Variants in SNURF observed in about 807,000 individuals in gnomAD.
The protein encoded by SNURF is SNURF protein.
In SNURF, 6 loss-of-function variants were observed where a neutral mutation model predicts 11.6. The ratio of observed to expected loss-of-function variants is 0.52; its 90% CI spans 0.28 to 1.02. The LOEUF is 1.02. Ranked by LOEUF, SNURF falls within the 50% of genes least tolerant of loss-of-function variation. The probability of loss-of-function intolerance (pLI) is 0.09; values close to 1 mark genes in which losing one functional copy is unlikely to be tolerated. For missense variants in SNURF, 84 were observed against 88.4 expected, an observed-to-expected ratio of 0.95 and a Z score of 0.20; for synonymous variants, 29 against 31.6, an observed-to-expected ratio of 0.92 and a Z score of 0.27.
At chr15:24,956,357 G>GGGT (rs528578846) in intron 1 of SNURF, among the ~76,000 whole-genome samples, 2 of 151,704 alleles carry the variant, frequency 1.3e-5, no homozygotes, top group African/African-American at 4.8e-5. Context: ...GCTTCAGCGG[G>GGGT]GGGGTGGCCG....
intron 3 of SNURF, chr15:24,974,298 C>T (rs2076814714): frequency 1.4e-6 from 1 of 690,490 alleles, no homozygotes; most frequent in African/African-American, 1.8e-5. Flanking sequence ...CTTTAACATG[C>T]TTTCCTCTGC....
At chr15:24,969,583 A>G (rs1287982537), downstream of SNURF, among the ~76,000 whole-genome samples, 1 of 151,988 alleles carries the variant, frequency 6.6e-6, no homozygotes, top group Non-Finnish European at 1.5e-5. Flanking sequence ...TTTTCATTGA[A>G]TAGGTGTGCA....
chr15:24,955,065 C>T lies in SNURF; in HGVS notation c.14+3C>T, dbSNP rs765966912. 4.3e-6 allele frequency: 7 copies of T among 1,613,494 alleles called. No homozygotes were observed. The South Asian group carries it at 6.6e-5, about 15-fold the overall frequency. ...AGTGACGCGATGGAGCGGGCAAGGTCAGCTGTGCCGGTGGCTTCTCTCAAG... is the reference window on the plus strand; with the variant it reads ...AGTGACGCGATGGAGCGGGCAAGGTTAGCTGTGCCGGTGGCTTCTCTCAAG... On this transcript the variant is annotated splice_donor_region_variant and intron_variant, in intron 1 of 2. Transcript: ENST00000577949.
chr15:24,956,357 G>GGGGT (rs1555404331), intron 1 of SNURF, among the ~76,000 whole-genome samples: 2 of 151,704 alleles, frequency 1.3e-5, no homozygotes, highest in African/African-American at 2.4e-5. Flanking sequence ...GCTTCAGCGG[G>GGGGT]GGGGTGGCCG....
exon 1 of SNURF, chr15:24,955,025 G>A (rs769799598): frequency 1.7e-5 from 27 of 1,612,742 alleles, no homozygotes; most frequent in Non-Finnish European, 2.0e-5. Flanking sequence ...TGACGCATCT[G>A]TCTGAGGAGC....
chr15:24,971,433 C>T (rs2076389566), downstream of SNURF, among the ~76,000 whole-genome samples: 1 of 152,080 alleles, frequency 6.6e-6, no homozygotes, highest in Admixed American at 6.6e-5. Context: ...TTCTAAATTC[C>T]AAATCTGTCT....
downstream of SNURF, among the ~76,000 whole-genome samples, chr15:24,969,236 T>C (rs192899736): frequency 2.6e-5 from 4 of 152,194 alleles, no homozygotes; most frequent in African/African-American, 9.6e-5. Context: ...TCAACTGATT[T>C]TCCTGCCTCA....
chr15:24,978,174 C>A (rs747671288), downstream of SNURF: 2 of 1,607,356 alleles, frequency 1.2e-6, no homozygotes, highest in Admixed American at 3.4e-5. Flanking sequence ...GCCTTTATTT[C>A]TACCATTTTT....
intron 4 of SNURF, chr15:24,975,607 T>C: frequency 3.1e-6 from 3 of 972,310 alleles, no homozygotes; most frequent in Non-Finnish European, 4.8e-6. Flanking sequence ...CTGAAGTAGT[T>C]AGGGAAACTA....
chr15:24,975,458 A>G, exon 4 of SNURF: 1 of 1,613,930 alleles, frequency 6.2e-7, no homozygotes, highest in Non-Finnish European at 8.5e-7. Context: ...AAGGCTTTTG[A>G]CAAGCATATG....
chr15:24,972,814 A>G (rs138806693), downstream of SNURF, among the ~76,000 whole-genome samples: 2 of 152,230 alleles, frequency 1.3e-5, no homozygotes, highest in African/African-American at 2.4e-5. Context: ...ATTCCGTTCA[A>G]CAACAGACTG....
intron 2 of SNURF, among the ~76,000 whole-genome samples, chr15:24,963,243 T>G (rs1352005360): frequency 4.6e-5 from 7 of 152,234 alleles, no homozygotes; most frequent in Non-Finnish European, 1.0e-4. Context: ...ACATTATTAT[T>G]GTAATCGTTA....
In SNURF at chr15:24,975,559, G is replaced by T. The variant is rs751154823; in HGVS notation, c.*197+50G>T. On this transcript the variant is annotated intron_variant and NMD_transcript_variant, in intron 4 of 6. Coordinates refer to the SNURF transcript ENST00000580062. ...GGTTGGACACAGAGGCAGTGGGAAG[G>T]GAAGGCCAGAGCTGGAGTAAGGGAT... The T allele has an allele frequency of 2.6e-6, 4 of 1,525,380 alleles. No individual in the cohort carries two copies. The East Asian group carries it at 9.0e-5, about 34-fold the overall frequency. 94.5% of individuals were successfully genotyped at this position (1,525,380 alleles called of 1,614,324 possible).
At chr15:24,959,542 T>A (rs1483890199) in intron 1 of SNURF, among the ~76,000 whole-genome samples, 3 of 152,244 alleles carry the variant, frequency 2.0e-5, no homozygotes, top group Non-Finnish European at 4.4e-5. Context: ...ACCTTTCATA[T>A]TGAGCAACTG....
chr15:24,964,931 T>C (rs1157791615), intron 2 of SNURF, among the ~76,000 whole-genome samples: 2 of 152,176 alleles, frequency 1.3e-5, no homozygotes, highest in African/African-American at 4.8e-5. Context: ...CTGCACTGCA[T>C]ATATATGTAC....
At chr15:24,968,175 T>C in exon 3 of SNURF, 1 of 793,036 alleles carries the variant, frequency 1.3e-6, no homozygotes. Flanking sequence ...CATTAATTTT[T>C]TTCCTTAGAG....
chr15:24,975,336 A>G (rs2076946598), intron 3 of SNURF: 1 of 1,605,824 alleles, frequency 6.2e-7, no homozygotes, highest in Non-Finnish European at 8.5e-7. Context: ...GCTGAACATG[A>G]CTCTTGTCTT....
intron 3 of SNURF, chr15:24,975,057 CATT>C (rs1171010454): frequency 2.9e-6 from 2 of 688,058 alleles, no homozygotes; most frequent in East Asian, 2.7e-5. Flanking sequence ...CACCCTACAT[CATT>C]GTGGTTTGGT....
chr15:24,977,958 T>C, downstream of SNURF: 1 of 1,508,598 alleles, frequency 6.6e-7, no homozygotes, highest in Non-Finnish European at 8.9e-7. Flanking sequence ...GAATCTCTGA[T>C]GAGAGATAGC....
Sources: gnomAD v4.1 joint callset for allele counts (sites outside exome capture counted in the v4.1 genomes callset) on GRCh38, gnomAD v4.1.1 for gene constraint, MANE v1.5 for transcripts, NCBI Gene and HGNC (gene_info 2026-07-23, HGNC 2026-07-21) for gene names.